DNAH6: variants seen among roughly 807,000 people sequenced by gnomAD.
DNAH6 encodes the protein axonemal beta dynein heavy chain 6.
DNAH6 carries 340 observed loss-of-function variants against 491.4 expected under a neutral mutation model. That is an observed-to-expected ratio of 0.69 (90% CI 0.63 to 0.76). The LOEUF (loss-of-function observed/expected upper bound fraction) is 0.76. Ranked by LOEUF, DNAH6 falls within the 30% of genes least tolerant of loss-of-function variation. The pLI is 0.00. For synonymous variants in DNAH6, 1,603 were observed against 1,686.1 expected (o/e 0.95, Z 1.21); for missense variants, 4,443 against 4,972.2 (o/e 0.89, Z 3.20).
chr2:84,767,397 C>T (rs1257751408), intron 64 of DNAH6, among the ~76,000 whole-genome samples: 1 of 151,788 alleles, frequency 6.6e-6, no homozygotes, highest in East Asian at 1.9e-4. Context: ...GAGTGCTGCA[C>T]ACCTGTAGTC....
intron 18 of DNAH6, among the ~76,000 whole-genome samples, chr2:84,602,802 T>TG (rs1355529474): frequency 2.0e-5 from 3 of 150,744 alleles, no homozygotes; most frequent in East Asian, 1.9e-4. Flanking sequence ...GCTCTGTTTT[T>TG]TTTTTTTTTT....
chr2:84,510,675 C>A, the DNAH6 span, among the ~76,000 whole-genome samples: 1 of 152,132 alleles, frequency 6.6e-6, no homozygotes, highest in Non-Finnish European at 1.5e-5. Context: ...TCCAGTTTTT[C>A]TGCTCTGTTT....
At chr2:84,675,259 C>A (rs1050676930) in intron 40 of DNAH6, among the ~76,000 whole-genome samples, 5 of 151,770 alleles carry the variant, frequency 3.3e-5, no homozygotes. Context: ...GAGCTCCTGA[C>A]CTCCATCTCC....
the DNAH6 span, among the ~76,000 whole-genome samples, chr2:84,500,071 C>A: frequency 6.6e-6 from 1 of 152,094 alleles, no homozygotes; most frequent in African/African-American, 2.4e-5. Context: ...TGGTTGCCTG[C>A]GCTTGTGGGG....
intron 41 of DNAH6, among the ~76,000 whole-genome samples, chr2:84,680,984 T>C (rs907942620): frequency 6.6e-6 from 1 of 152,108 alleles, no homozygotes; most frequent in African/African-American, 2.4e-5. Flanking sequence ...TGAAAGTCTA[T>C]GAGAGTGGTG....
intron 62 of DNAH6, 44 bp downstream of exon 62, chr2:84,733,623 C>T: frequency 6.7e-7 from 1 of 1,502,534 alleles, no homozygotes; most frequent in African/African-American, 1.4e-5. Flanking sequence ...TATAAACAGG[C>T]TCTTGAATCC....
chr2:84,660,223 G>A (rs1691370800), intron 37 of DNAH6, among the ~76,000 whole-genome samples: 1 of 151,986 alleles, frequency 6.6e-6, no homozygotes, highest in Admixed American at 6.6e-5. Context: ...ATGTTGCATA[G>A]TAAAAAAGTG....
At chr2:84,606,875 A>G in intron 20 of DNAH6, 101 bp from the exon 21 acceptor site, 1 of 1,235,558 alleles carries the variant, frequency 8.1e-7, no homozygotes, top group Non-Finnish European at 1.1e-6. Context: ...ATTAATTCAA[A>G]GAGTTGACTT....
Position 84,705,596 on chromosome 2 carries a change from A to G in DNAH6, c.8576A>G (p.Lys2859Arg), listed in dbSNP as rs61750773. ...IKPQILAKLQ[K>R]YINNPDFVPE... Reference sequence around the variant, plus strand: ...CCTCAGATATTGGCAAAGCTTCAAAAGTATATTAATAATCCTGATTTTGTG... The same window carrying G: ...CCTCAGATATTGGCAAAGCTTCAAAGGTATATTAATAATCCTGATTTTGTG... The change falls in exon 52 of 77, where the codon AAG becomes AGG. Residue 2859 changes from lysine (K) to arginine (R), a missense_variant. By Grantham distance (26) the Lys-to-Arg change is conservative. Coordinates refer to ENST00000389394, the MANE Select transcript of DNAH6 (RefSeq NM_001370.2). 49,289 of 1,551,574 alleles carry G rather than the reference A, an allele frequency of 0.032. 981 individuals carry two copies. Among genetic ancestry groups the G allele is most frequent in the Middle Eastern group, 0.064 (381 of 5,992 alleles).
At chr2:84,532,858 A>G (rs914664612) in intron 4 of DNAH6, among the ~76,000 whole-genome samples, 1 of 152,164 alleles carries the variant, frequency 6.6e-6, no homozygotes, top group African/African-American at 2.4e-5. Flanking sequence ...GAGAAAATAG[A>G]ATAAGTTATA....
At chr2:84,511,797 C>A (rs1020009140), upstream of DNAH6, among the ~76,000 whole-genome samples, 2 of 152,058 alleles carry the variant, frequency 1.3e-5, no homozygotes, top group Admixed American at 1.3e-4. Flanking sequence ...TTTCCCTCTT[C>A]TTCTGTTAAT....
chr2:84,678,028 A>T (rs1192224295), intron 41 of DNAH6, among the ~76,000 whole-genome samples: 1 of 152,220 alleles, frequency 6.6e-6, no homozygotes, highest in Non-Finnish European at 1.5e-5. Context: ...ATTCACCAGC[A>T]TCAACTTCTT....
At chr2:84,698,497 T>C (rs1020194148) in intron 47 of DNAH6, among the ~76,000 whole-genome samples, 1 of 152,238 alleles carries the variant, frequency 6.6e-6, no homozygotes, top group African/African-American at 2.4e-5. Context: ...GCCACAACCA[T>C]TCCTGCTGAA....
rs1235204543 is a variant in DNAH6, at chr2:84,672,389, C to T, written c.6517C>T (p.Arg2173Cys). The T allele has an allele frequency of 1.3e-5, 20 of 1,551,508 alleles. No homozygotes were observed. The highest frequency in any genetic ancestry group is 1.2e-4 in the East Asian group (5 of 40,932). Residue 2173 changes from arginine (R) to cysteine (C), a missense_variant, in exon 40 of 77, where the codon CGC (arginine) becomes TGC (cysteine). By Grantham distance (180) the Arg-to-Cys change is radical. This residue lies in a region of DNAH6 where 2,977 missense variants were observed against 3,296.6 expected (regional missense o/e 0.90). Transcript: ENST00000389394. Reference sequence around the variant, plus strand: ...TGATTTAAACATGCCCAGACTGGATCGCTATGGCTCTCAGCCTCCGATTGA... The same window carrying T: ...TGATTTAAACATGCCCAGACTGGATTGCTATGGCTCTCAGCCTCCGATTGA... ...VDDLNMPRLD[R>C]YGSQPPIELL...
chr2:84,798,988 CTTTT>C (rs34678148), intron 70 of DNAH6, among the ~76,000 whole-genome samples: 2 of 136,604 alleles, frequency 1.5e-5, no homozygotes, highest in Non-Finnish European at 1.6e-5. Flanking sequence ...TTTTTCTTTC[CTTTT>C]TTTTTTTTTT....
chr2:84,584,072 C>T lies in DNAH6; in HGVS notation c.2303C>T (p.Thr768Ile). ...YKLMEQYQVPTPPEDFAVFAT... is the reference protein window; with the variant it reads ...YKLMEQYQVPIPPEDFAVFAT... Reference sequence around the variant, plus strand: ...CTTATGGAACAATATCAGGTGCCCACACCTCCTGAAGACTTTGCTGTTTTT... The same window carrying T: ...CTTATGGAACAATATCAGGTGCCCATACCTCCTGAAGACTTTGCTGTTTTT... Residue 768 changes from threonine (T) to isoleucine (I), a missense_variant, in exon 15 of 77, where the codon ACA becomes ATA. This residue lies in a region of DNAH6 where 2,977 missense variants were observed against 3,296.6 expected (regional missense o/e 0.90). Coordinates refer to ENST00000389394, the MANE Select transcript of DNAH6 (RefSeq NM_001370.2). 2.5e-6 allele frequency: 4 copies of T among 1,614,154 alleles called. No individual in the cohort carries two copies. Among genetic ancestry groups the T allele is most frequent in the East Asian group, 2.2e-5 (1 of 44,872 alleles).
chr2:84,508,722 C>T, the DNAH6 span, among the ~76,000 whole-genome samples: 26 of 152,262 alleles, frequency 1.7e-4, no homozygotes, highest in South Asian at 1.2e-3. Flanking sequence ...AAATTTCCCT[C>T]TACACACTGC....
rs1674104320 is a variant in DNAH6 at position 84,757,053 on chromosome 2, G to T, written c.10513-5702G>T. Among the ~76,000 whole-genome samples the T allele has an allele frequency of 2.6e-5, 4 of 152,292 alleles. No homozygotes were observed. The South Asian group carries it at 8.3e-4, about 32-fold the overall frequency. On this transcript the variant is annotated intron_variant, in intron 63 of 76. Transcript: ENST00000389394. Reference sequence around the variant, plus strand: ...ATCCAGACATGGGATTTTGCAGAGGGTGATCTTTAAGAAATGCCTGTATAT... The same window carrying T: ...ATCCAGACATGGGATTTTGCAGAGGTTGATCTTTAAGAAATGCCTGTATAT...
intron 14 of DNAH6, among the ~76,000 whole-genome samples, chr2:84,580,186 G>A (rs1350348839): frequency 6.6e-6 from 1 of 152,134 alleles, no homozygotes; most frequent in East Asian, 1.9e-4. Flanking sequence ...TGTTAAGAAT[G>A]AAAGAAACCC....
Sources: allele counts gnomAD v4.1 joint callset (sites outside exome capture counted in the v4.1 genomes callset), GRCh38; gene constraint gnomAD v4.1.1; regional missense constraint gnomAD v4.1.1; transcripts MANE v1.5; gene names NCBI Gene and HGNC (gene_info 2026-07-23, HGNC 2026-07-21).